Variants in MED28 observed in about 807,000 individuals in gnomAD.
The protein encoded by MED28 is mediator complex subunit 28, also known as mediator of RNA polymerase II transcription subunit 28.
MED28 carries 26 observed loss-of-function variants against 21.3 expected under a neutral mutation model. The observed-to-expected ratio is 1.22, with a 90% CI of 0.89 to 1.69. MED28 has a LOEUF of 1.69. Among genes scored for constraint, MED28 ranks in the 40% most tolerant of loss-of-function variants. The pLI, the probability that MED28 is intolerant of heterozygous loss-of-function variation, is 0.00. For missense variants in MED28, 257 were observed against 215.4 expected, an observed-to-expected ratio of 1.19 and a Z score of -1.21; for synonymous variants, 110 against 87.6, an observed-to-expected ratio of 1.26 and a Z score of -1.43.
intron 1 of MED28, among the ~76,000 whole-genome samples, chr4:17,618,525 C>T (rs558642797): frequency 3.3e-5 from 5 of 151,848 alleles, no homozygotes; most frequent in South Asian, 2.1e-4. Flanking sequence ...AGTCAACTTT[C>T]GTTTTTTTTG....
At position 17,628,600 on chromosome 4, in the gene MED28, G is replaced by C. The variant is rs1714834431; in HGVS notation, c.*4802G>C. The C allele has an allele frequency of 6.6e-6, 1 of 152,060 alleles. No individual in the cohort carries two copies. Among genetic ancestry groups the C allele is most frequent in the Non-Finnish European group, 1.5e-5 (1 of 68,004 alleles). 9.4% of individuals were successfully genotyped at this position (152,060 alleles called of 1,614,324 possible). ...ATACAGGCATTTCTGGTGGGCTTTGGCTGAAGGCATTCACACCCCCCAGTG... is the reference window on the plus strand; with the variant it reads ...ATACAGGCATTTCTGGTGGGCTTTGCCTGAAGGCATTCACACCCCCCAGTG... On this transcript the variant is annotated 3_prime_UTR_variant, in exon 4 of 4. Coordinates refer to ENST00000237380, the MANE Select transcript of MED28 (RefSeq NM_025205.5).
At position 17,619,966 on chromosome 4, in the gene MED28, C is replaced by T. The variant is rs138900855; in HGVS notation, c.225C>T (p.Thr75=). ...GCACCGATCAGGAAGAAATTCGAAC[C>T]GGTAAGCATTCCCTCTGTGTACACA... ...VNGTDQEEIR[T]GVDQCIQKFL... The change falls in exon 2 of 4, where the codon ACC becomes ACT. Residue 75 remains threonine (T), a splice_region_variant and synonymous_variant. Coordinates refer to ENST00000237380, the MANE Select transcript of MED28 (RefSeq NM_025205.5). 48 of 1,613,616 alleles carry T rather than the reference C, an allele frequency of 3.0e-5. No individual in the cohort carries two copies. In the Middle Eastern group the frequency reaches 5.0e-4, roughly 17 times the overall value.
intron 2 of MED28, among the ~76,000 whole-genome samples, chr4:17,620,524 G>T (rs1244293765): frequency 6.6e-6 from 1 of 151,944 alleles, no homozygotes; most frequent in Non-Finnish European, 1.5e-5. Context: ...GTAGAGACGG[G>T]GTTTCGCCAT....
chr4:17,616,091 G>C (rs535865171), intron 1 of MED28, among the ~76,000 whole-genome samples: 1 of 152,036 alleles, frequency 6.6e-6, no homozygotes. Context: ...CTCCCGAGTT[G>C]CTGGGATTAC....
At chr4:17,619,800 C>A in intron 1 of MED28, 101 bp from the exon 2 acceptor site, 1 of 958,190 alleles carries the variant, frequency 1.0e-6, no homozygotes, top group Non-Finnish European at 1.7e-6. Flanking sequence ...CAGATGCTGC[C>A]ACCTCATCAG....
intron 2 of MED28, among the ~76,000 whole-genome samples, chr4:17,621,264 G>T (rs185975855): frequency 3.4e-4 from 51 of 151,178 alleles, no homozygotes; most frequent in Admixed American, 6.6e-4. Flanking sequence ...CGCCCACCTC[G>T]GCCTCCCAGA....
intron 2 of MED28, among the ~76,000 whole-genome samples, chr4:17,620,470 A>C (rs1714590813): frequency 6.6e-6 from 1 of 151,680 alleles, no homozygotes; most frequent in African/African-American, 2.4e-5. Flanking sequence ...CGTAGATGGA[A>C]CTACAGGCAT....
At position 17,625,437 on chromosome 4, in the gene MED28, T is replaced by A; in HGVS notation, c.*1639T>A. The A allele has an allele frequency of 4.0e-6, 1 of 251,378 alleles. No individual in the cohort carries two copies. Among genetic ancestry groups the A allele is most frequent in the Non-Finnish European group, 7.9e-6 (1 of 127,122 alleles). 15.6% of individuals were successfully genotyped at this position (251,378 alleles called of 1,614,324 possible). A position where few individuals can be genotyped will look rare whatever the true frequency, so the allele number is the denominator to read the frequency against. ...CTGGTCACTCATGGTAATTAGAAAC[T>A]CTGATTGGCAGCTTTGTATTTCTTG... On this transcript the variant is annotated 3_prime_UTR_variant, in exon 4 of 4. Coordinates refer to ENST00000237380, the MANE Select transcript of MED28 (RefSeq NM_025205.5).
chr4:17,623,638 A>G lies in MED28; in HGVS notation c.377A>G (p.Asp126Gly), dbSNP rs769931671. 5 of 1,614,206 alleles carry G rather than the reference A, an allele frequency of 3.1e-6. No individual in the cohort carries two copies. The highest frequency in any genetic ancestry group is 4.2e-6 in the Non-Finnish European group (5 of 1,180,036). ...SELRNELQRK[D>G]ALVQKHLTKL... Reference sequence around the variant, plus strand: ...CTAAGGAATGAATTACAGCGGAAAGATGCACTAGTCCAGAAGCACTTGACA... The same window carrying G: ...CTAAGGAATGAATTACAGCGGAAAGGTGCACTAGTCCAGAAGCACTTGACA... The change falls in exon 4 of 4, where the codon GAT becomes GGT. Residue 126 changes from aspartate (D) to glycine (G), a missense_variant. Asp to Gly is a moderately conservative substitution (Grantham distance 94, BLOSUM62 -1). Transcript: ENST00000237380.
Position 17,614,672 on chromosome 4 carries a change from G to C in MED28, c.18G>C (p.Gly6=), listed in dbSNP as rs1213175468. Residue 6 remains glycine, a synonymous_variant, in exon 1 of 4, where the codon GGG becomes GGC. Transcript: ENST00000237380. ...TTCCAAACATGGCGGCTCCACTAGG[G>C]GGTATGTTTTCTGGGCAGCCACCCG... MAAPL[G]GMFSGQPPGP... is the part of the protein sequence containing the mutation. The C allele has an allele frequency of 1.9e-6, 3 of 1,612,672 alleles. No individual in the cohort carries two copies. The highest frequency in any genetic ancestry group is 2.5e-6 in the Non-Finnish European group (3 of 1,179,688).
At chr4:17,616,924 C>G (rs542349840) in intron 1 of MED28, among the ~76,000 whole-genome samples, 36 of 152,328 alleles carry the variant, frequency 2.4e-4, no homozygotes, top group African/African-American at 8.4e-4. Context: ...AGAGAGAACT[C>G]CCTCTGGGAC....
rs1323916297 is a variant in MED28, at chr4:17,623,811, G to A, written c.*13G>A. On this transcript the variant is annotated 3_prime_UTR_variant, in exon 4 of 4. Transcript: ENST00000237380. ...GAAGCCAACGTGAGCAAAGGGCAGA[G>A]GCAGTTGGCCTATGAGTGGGCTGAT... The A allele has an allele frequency of 6.2e-7, 1 of 1,609,890 alleles. No homozygotes were observed. The highest frequency in any genetic ancestry group is 8.5e-7 in the Non-Finnish European group (1 of 1,177,758).
intron 1 of MED28, among the ~76,000 whole-genome samples, chr4:17,618,299 G>C (rs1182261380): frequency 6.6e-6 from 1 of 152,094 alleles, no homozygotes; most frequent in Non-Finnish European, 1.5e-5. Context: ...CAGCCACCAT[G>C]TCGGACCCTA....
intron 1 of MED28, among the ~76,000 whole-genome samples, chr4:17,615,561 C>T (rs535783715): frequency 6.6e-6 from 1 of 152,292 alleles, no homozygotes; most frequent in African/African-American, 2.4e-5. Context: ...CCTGTAATCC[C>T]AGCACTTTGG....
rs192423312 is a variant in MED28 at position 17,633,363 on chromosome 4, G to C, written c.*9565G>C. The stretch of plus-strand genomic sequence containing the variant: ...TATGGATTAATTCCTTTAGTCTCAC[G>C]TCAGTCTGATGAGATAGGTGCTGTA... On this transcript the variant is annotated 3_prime_UTR_variant, in exon 4 of 4. Coordinates refer to ENST00000237380, the MANE Select transcript of MED28 (RefSeq NM_025205.5). 5 of 199,028 alleles carry C rather than the reference G, an allele frequency of 2.5e-5. No homozygotes were observed. Among genetic ancestry groups the C allele is most frequent in the Non-Finnish European group, 3.0e-5 (3 of 99,958 alleles). The allele number at this position is 199,028 out of a possible 1,614,324, so 12.3% of individuals were successfully genotyped here.
rs1715022226 is a variant in MED28, at chr4:17,633,360, C to CA, written c.*9563dup. 5.0e-6 allele frequency: 1 copy of CA among 198,308 alleles called. No individual in the cohort carries two copies. Among genetic ancestry groups the CA allele is most frequent in the Non-Finnish European group, 1.0e-5 (1 of 99,462 alleles). The allele number at this position is 198,308 out of a possible 1,614,324, so 12.3% of individuals were successfully genotyped here. A position where few individuals can be genotyped will look rare whatever the true frequency, so the allele number is the denominator to read the frequency against. On this transcript the variant is annotated 3_prime_UTR_variant, in exon 4 of 4. Coordinates refer to ENST00000237380, the MANE Select transcript of MED28 (RefSeq NM_025205.5). ...TCCTATGGATTAATTCCTTTAGTCT[C>CA]ACGTCAGTCTGATGAGATAGGTGCT...
At chr4:17,620,175 C>G (rs986626252) in intron 2 of MED28, 2 of 567,254 alleles carry the variant, frequency 3.5e-6, no homozygotes, top group African/African-American at 1.9e-5. Context: ...TTATAATGAA[C>G]TTTTCGTATT....
chr4:17,621,888 C>T (rs985091636), intron 3 of MED28, among the ~76,000 whole-genome samples, 189 bp downstream of exon 3: 2 of 152,076 alleles, frequency 1.3e-5, no homozygotes, highest in African/African-American at 2.4e-5. Flanking sequence ...GAGTGGGGTC[C>T]GAAAGCAGAG....
At position 17,624,094 on chromosome 4, in the gene MED28, T is replaced by A. The variant is rs1465468197; in HGVS notation, c.*296T>A. 8.0e-6 allele frequency: 3 copies of A among 376,020 alleles called. No individual in the cohort carries two copies. Among genetic ancestry groups the A allele is most frequent in the African/African-American group, 2.0e-5 (1 of 49,132 alleles). 23.3% of individuals were successfully genotyped at this position (376,020 alleles called of 1,614,324 possible). ...TTTTTTATGGTGGCTTTGCTTGTTT[T>A]AAATTTTTGCATGACTTTTCATCTT... is the stretch of plus-strand genomic sequence containing the variant. On this transcript the variant is annotated 3_prime_UTR_variant, in exon 4 of 4. Coordinates refer to ENST00000237380, the MANE Select transcript of MED28 (RefSeq NM_025205.5).
Sources: gnomAD v4.1 joint callset for allele counts (sites outside exome capture counted in the v4.1 genomes callset) on GRCh38, gnomAD v4.1.1 for gene constraint, MANE v1.5 for transcripts, NCBI Gene and HGNC (gene_info 2026-07-23, HGNC 2026-07-21) for gene names.